Variants in FGF12 observed in about 807,000 individuals in gnomAD.
FGF12 encodes the protein fibroblast growth factor 12.
In FGF12, 14 loss-of-function variants were observed where a neutral mutation model predicts 23.6. The ratio of observed to expected loss-of-function variants is 0.59; its 90% CI spans 0.39 to 0.93. FGF12 has a LOEUF of 0.93. FGF12 is among the 40% of genes least tolerant of loss of function. The pLI is 0.00. For missense variants in FGF12, 175 were observed against 217.8 expected, an observed-to-expected ratio of 0.80 and a Z score of 1.24; for synonymous variants, 62 against 77.3, an observed-to-expected ratio of 0.80 and a Z score of 1.04.
chr3:192,353,829 A>G (rs969028960), intron 3 of FGF12, among the ~76,000 whole-genome samples: 2 of 152,254 alleles, frequency 1.3e-5, no homozygotes, highest in African/African-American at 4.8e-5. Context: ...CACAAATATT[A>G]TTTGGAGGCA....
intron 2 of FGF12, among the ~76,000 whole-genome samples, chr3:192,483,853 G>A (rs1723548966): frequency 6.6e-6 from 1 of 152,118 alleles, no homozygotes; most frequent in South Asian, 2.1e-4. Flanking sequence ...CATGGGCTGT[G>A]CCACACATCA....
At chr3:192,348,812 C>A (rs549589895) in intron 3 of FGF12, among the ~76,000 whole-genome samples, 1 of 152,212 alleles carries the variant, frequency 6.6e-6, no homozygotes, top group South Asian at 2.1e-4. Flanking sequence ...CTTCCTGTGC[C>A]TCAATTTACT....
chr3:192,378,080 T>TTCTTTCTGTCTTTCTG (rs1553805090), intron 2 of FGF12, among the ~76,000 whole-genome samples: 1 of 105,810 alleles, frequency 9.5e-6, no homozygotes, highest in African/African-American at 3.8e-5. Context: ...CTTTCTTTCT[T>TTCTTTCTGTCTTTCTG]TCTTTCTTTC....
intron 2 of FGF12, among the ~76,000 whole-genome samples, chr3:192,555,529 C>A (rs571518671): frequency 6.4e-4 from 97 of 151,436 alleles, no homozygotes; most frequent in African/African-American, 2.3e-3. Context: ...ACACCTGTAA[C>A]CCCAACAATT....
intron 4 of FGF12, among the ~76,000 whole-genome samples, chr3:192,284,595 G>T (rs1189957161): frequency 6.6e-6 from 1 of 152,054 alleles, no homozygotes; most frequent in East Asian, 1.9e-4. Flanking sequence ...TGAGAAGCAG[G>T]TCACACTGCA....
rs1719263623 is a variant in FGF12, at chr3:192,727,479, T to TC, written c.-131+4_-131+5insG. The TC allele has an allele frequency of 1.2e-5, 9 of 764,494 alleles. No individual in the cohort carries two copies. The South Asian group carries it at 1.7e-4, about 15-fold the overall frequency. The allele number at this position is 764,494 out of a possible 1,614,324, so 47.4% of individuals were successfully genotyped here. On this transcript the variant is annotated splice_donor_region_variant and intron_variant, in intron 1 of 5. Coordinates refer to ENST00000445105, the MANE Select transcript of FGF12 (RefSeq NM_004113.6). ...CCGCTCAGATTTTTTTTTTTTTTTT[T>TC]TTACCTGGGTCTGGAAGCTGCAGGC...
At chr3:192,316,823 T>G (rs1288733331) in intron 4 of FGF12, among the ~76,000 whole-genome samples, 1 of 152,162 alleles carries the variant, frequency 6.6e-6, no homozygotes, top group East Asian at 1.9e-4. Flanking sequence ...AGCTAGCAGC[T>G]ACGGGAGAGA....
At chr3:192,449,586 C>T (rs181217751) in intron 2 of FGF12, among the ~76,000 whole-genome samples, 3 of 152,166 alleles carry the variant, frequency 2.0e-5, no homozygotes, top group Non-Finnish European at 4.4e-5. Flanking sequence ...CCCATTCCTA[C>T]AGACGAAGGC....
chr3:192,418,864 T>A (rs542308858), intron 2 of FGF12, among the ~76,000 whole-genome samples: 9 of 152,324 alleles, frequency 5.9e-5, no homozygotes, highest in African/African-American at 2.2e-4. Flanking sequence ...AAACCTCTTT[T>A]CTCTACAAAT....
chr3:192,599,732 G>A (rs1173232191), intron 2 of FGF12, among the ~76,000 whole-genome samples: 1 of 151,912 alleles, frequency 6.6e-6, no homozygotes, highest in Non-Finnish European at 1.5e-5. Context: ...GAGAATGACT[G>A]TGCTTTCATG....
rs1216354137 is a variant in FGF12, at chr3:192,335,405, T to C, written c.184A>G (p.Ser62Gly). The stretch of plus-strand genomic sequence containing the variant: ...TCACCATTCATGGCCACATAGAGGC[T>C]AGCCTTCACTCCTTGGATGGCCACT... Reference protein sequence around the residue: ...RVVAIQGVKASLYVAMNGEGY... With the variant: ...RVVAIQGVKAGLYVAMNGEGY... Residue 62 changes from serine (S) to glycine (G), a missense_variant, in exon 4 of 6, where the codon AGC (serine) becomes GGC (glycine). Physicochemically the swap from Ser to Gly is moderately conservative, Grantham distance 56. Transcript: ENST00000445105. 39 of 1,613,202 alleles carry C rather than the reference T, an allele frequency of 2.4e-5. No individual in the cohort carries two copies. Among genetic ancestry groups the C allele is most frequent in the Non-Finnish European group, 3.2e-5 (38 of 1,179,506 alleles).
At chr3:192,725,305 C>T (rs1291656196) in intron 2 of FGF12, among the ~76,000 whole-genome samples, 3 of 148,630 alleles carry the variant, frequency 2.0e-5, no homozygotes, top group Non-Finnish European at 3.0e-5. Flanking sequence ...TTTTCAGAGG[C>T]AATTATGGGA....
At chr3:192,380,290 G>A (rs1395717123) in intron 2 of FGF12, among the ~76,000 whole-genome samples, 9 of 152,096 alleles carry the variant, frequency 5.9e-5, no homozygotes, top group Admixed American at 5.9e-4. Context: ...TAATGGACTG[G>A]TGTCTTCTTA....
At chr3:192,154,858 G>C (rs1270085396) in intron 5 of FGF12, among the ~76,000 whole-genome samples, 3 of 143,090 alleles carry the variant, frequency 2.1e-5, no homozygotes, top group South Asian at 4.8e-4. Context: ...CGAGCTTCCC[G>C]GCTGCTTTGT....
At chr3:192,716,771 T>A (rs1217381167) in intron 2 of FGF12, among the ~76,000 whole-genome samples, 1 of 152,212 alleles carries the variant, frequency 6.6e-6, no homozygotes, top group African/African-American at 2.4e-5. Flanking sequence ...AGAAAGAGCG[T>A]CATTGTACAA....
intron 4 of FGF12, among the ~76,000 whole-genome samples, chr3:192,317,983 C>A (rs538101427): frequency 1.3e-5 from 2 of 152,294 alleles, no homozygotes; most frequent in African/African-American, 4.8e-5. Flanking sequence ...ACCCAAAACA[C>A]CAAGATGGTA....
intron 2 of FGF12, among the ~76,000 whole-genome samples, chr3:192,684,837 G>C (rs1037888324): frequency 6.6e-6 from 1 of 151,996 alleles, no homozygotes; most frequent in Admixed American, 6.6e-5. Context: ...AATCCTTCAA[G>C]CAGGCAAGGA....
chr3:192,688,045 A>G (rs1056081890), intron 2 of FGF12, among the ~76,000 whole-genome samples: 3 of 151,706 alleles, frequency 2.0e-5, no homozygotes, highest in Non-Finnish European at 4.4e-5. Flanking sequence ...TGCCACACAC[A>G]TGCCTTCAGC....
At chr3:192,285,042 G>A (rs1714369066) in intron 4 of FGF12, among the ~76,000 whole-genome samples, 1 of 152,026 alleles carries the variant, frequency 6.6e-6, no homozygotes, top group South Asian at 2.1e-4. Flanking sequence ...ACATTACAGA[G>A]ACGTATAACA....
Sources: gnomAD v4.1 joint callset for allele counts (sites outside exome capture counted in the v4.1 genomes callset) on GRCh38, gnomAD v4.1.1 for gene constraint, MANE v1.5 for transcripts, NCBI Gene and HGNC (gene_info 2026-07-23, HGNC 2026-07-21) for gene names.